Variants in MIR2052HG observed in about 807,000 individuals in gnomAD.
MIR2052HG encodes MIR2052 host gene.
intron 1 of MIR2052HG, among the ~76,000 whole-genome samples, chr8:74,602,877 T>TTTTCTTTCTTTC (rs1808041448): frequency 1.9e-5 from 1 of 53,784 alleles, no homozygotes; most frequent in Non-Finnish European, 3.4e-5. Flanking sequence ...TTCTTTCTTT[T>TTTTCTTTCTTTC]TTCTATTCAC....
chr8:74,629,518 C>T (rs1291347500), intron 2 of MIR2052HG, among the ~76,000 whole-genome samples: 1 of 152,016 alleles, frequency 6.6e-6, no homozygotes, highest in Non-Finnish European at 1.5e-5. Flanking sequence ...AGCAAGGGGC[C>T]AGCCTTTTGC....
chr8:74,675,039 A>G (rs1033728181), intron 2 of MIR2052HG, among the ~76,000 whole-genome samples: 1 of 152,034 alleles, frequency 6.6e-6, no homozygotes, highest in Non-Finnish European at 1.5e-5. Flanking sequence ...ATACACATTT[A>G]ATATTTTTAT....
At chr8:74,616,955 G>GA (rs1415847897) in intron 2 of MIR2052HG, among the ~76,000 whole-genome samples, 1 of 150,040 alleles carries the variant, frequency 6.7e-6, no homozygotes. Context: ...GAAGGTAAAA[G>GA]AAAAAAAGAT....
chr8:74,721,860 G>A (rs1432372341), intron 4 of MIR2052HG, among the ~76,000 whole-genome samples: 1 of 152,154 alleles, frequency 6.6e-6, no homozygotes, highest in African/African-American at 2.4e-5. Flanking sequence ...TATCTTTGGA[G>A]ACTACCTACC....
At chr8:74,673,816 C>T (rs1440401248) in intron 2 of MIR2052HG, among the ~76,000 whole-genome samples, 2 of 149,310 alleles carry the variant, frequency 1.3e-5, no homozygotes, top group East Asian at 3.9e-4. Context: ...AAATGGATAA[C>T]CATTAGCCTA....
At chr8:74,637,074 T>A (rs1808589623) in intron 2 of MIR2052HG, among the ~76,000 whole-genome samples, 1 of 152,136 alleles carries the variant, frequency 6.6e-6, no homozygotes, top group Non-Finnish European at 1.5e-5. Flanking sequence ...ATACACATAT[T>A]TCATTGAGAA....
chr8:74,755,551 A>G (rs904460666), intron 5 of MIR2052HG, among the ~76,000 whole-genome samples: 13 of 152,228 alleles, frequency 8.5e-5, no homozygotes, highest in Admixed American at 7.2e-4. Context: ...TCTCAACATC[A>G]AACAGTTAAT....
In MIR2052HG at chr8:74,602,817, G is replaced by GTCTTTCTTTCTTTCTTTCTTTCTTTC. The variant is rs1808022626; in HGVS notation, n.128+2910_128+2911insCTTTCTTTCTTTCTTTCTTTCTTTCT. On this transcript the variant is annotated intron_variant and non_coding_transcript_variant, in intron 1 of 6. Transcript: ENST00000523442. ...GATGTGAGCTGCCATGCCCGGCCGT[G>GTCTTTCTTTCTTTCTTTCTTTCTTTC]TTTCTTTCTTTCTTTCTTTCTTTCT... is the stretch of plus-strand genomic sequence containing the variant. Among the ~76,000 whole-genome samples, 3 of 73,786 alleles carry GTCTTTCTTTCTTTCTTTCTTTCTTTC rather than the reference G, an allele frequency of 4.1e-5. No individual in the cohort carries two copies. The Admixed American group carries it at 4.1e-4, about 10-fold the overall frequency. The allele number at this position is 73,786 out of a possible 152,430, so 48.4% of individuals were successfully genotyped here. A position where few individuals can be genotyped will look rare whatever the true frequency, so the allele number is the denominator to read the frequency against.
At chr8:74,716,567 G>A (rs1809523516) in intron 4 of MIR2052HG, among the ~76,000 whole-genome samples, 1 of 152,192 alleles carries the variant, frequency 6.6e-6, no homozygotes, top group Admixed American at 6.5e-5. Context: ...AAAATTAGCT[G>A]GGTGTGGTGG....
chr8:74,657,410 C>CT, intron 2 of MIR2052HG, among the ~76,000 whole-genome samples: 1 of 152,278 alleles, frequency 6.6e-6, no homozygotes, highest in South Asian at 2.1e-4. Flanking sequence ...AGCCAGCATT[C>CT]TTTTTTATGA....
chr8:74,695,432 A>ACGT (rs1461345506), intron 2 of MIR2052HG, among the ~76,000 whole-genome samples: 2 of 152,196 alleles, frequency 1.3e-5, no homozygotes, highest in African/African-American at 4.8e-5. Context: ...AAAAAATAGC[A>ACGT]CAATGAATAG....
At chr8:74,753,052 G>T (rs994929070) in intron 5 of MIR2052HG, among the ~76,000 whole-genome samples, 4 of 152,190 alleles carry the variant, frequency 2.6e-5, no homozygotes, top group South Asian at 2.1e-4. Context: ...CAGAAGGTAG[G>T]TATTTTTTAA....
At chr8:74,630,878 T>A (rs562258356) in intron 2 of MIR2052HG, among the ~76,000 whole-genome samples, 1 of 152,350 alleles carries the variant, frequency 6.6e-6, no homozygotes, top group South Asian at 2.1e-4. Flanking sequence ...ACTGACTTGC[T>A]ATCTTCTTTG....
intron 2 of MIR2052HG, among the ~76,000 whole-genome samples, chr8:74,659,160 T>A (rs1808836049): frequency 6.6e-6 from 1 of 152,184 alleles, no homozygotes; most frequent in Non-Finnish European, 1.5e-5. Flanking sequence ...CACTTGTTCT[T>A]GGACAATGAA....
At chr8:74,614,255 A>C (rs1808243791) in intron 2 of MIR2052HG, among the ~76,000 whole-genome samples, 2 of 152,200 alleles carry the variant, frequency 1.3e-5, no homozygotes, top group Non-Finnish European at 2.9e-5. Context: ...ATAGTCAGAT[A>C]ATCTTTGTTG....
chr8:74,740,762 C>T (rs1008077041), intron 4 of MIR2052HG, among the ~76,000 whole-genome samples: 6 of 152,092 alleles, frequency 3.9e-5, no homozygotes, highest in Non-Finnish European at 7.4e-5. Context: ...TTAGAAAAAT[C>T]GTCTTATTGC....
chr8:74,600,642 C>G (rs1056116174), intron 1 of MIR2052HG, among the ~76,000 whole-genome samples: 33 of 151,578 alleles, frequency 2.2e-4, no homozygotes, highest in Non-Finnish European at 1.2e-4. Flanking sequence ...GTGGCACAAT[C>G]TTGGCTCACT....
intron 4 of MIR2052HG, among the ~76,000 whole-genome samples, chr8:74,749,017 C>G (rs1415796834): frequency 6.6e-6 from 1 of 151,928 alleles, no homozygotes; most frequent in Non-Finnish European, 1.5e-5. Context: ...CTTTGCATGC[C>G]TCTTGGATGC....
At chr8:74,697,279 C>G (rs12548987) in intron 2 of MIR2052HG, among the ~76,000 whole-genome samples, 80 of 151,994 alleles carry the variant, frequency 5.3e-4, no homozygotes, top group Non-Finnish European at 7.8e-4. Context: ...ATCCAACATC[C>G]CTTTATGATT....
Sources: allele counts gnomAD v4.1 joint callset (sites outside exome capture counted in the v4.1 genomes callset), GRCh38; gene constraint gnomAD v4.1.1; transcripts MANE v1.5; gene names NCBI Gene and HGNC (gene_info 2026-07-23, HGNC 2026-07-21).